CDC45: variants seen among roughly 807,000 people sequenced by gnomAD.
The protein encoded by CDC45 is cell division cycle 45.
Under a neutral mutation model 77.8 loss-of-function variants are expected in CDC45, and 54 were observed. The observed-to-expected ratio is 0.69, with a 90% CI of 0.56 to 0.87. The LOEUF is 0.87. Ranked by LOEUF, CDC45 falls within the 40% of genes least tolerant of loss-of-function variation. The pLI is 0.00. For missense variants in CDC45, 649 were observed against 721.6 expected, an observed-to-expected ratio of 0.90 and a Z score of 1.15; for synonymous variants, 260 against 272.1, an observed-to-expected ratio of 0.96 and a Z score of 0.44.
At chr22:19,489,523 G>A (rs1012657579) in intron 5 of CDC45, among the ~76,000 whole-genome samples, 3 of 151,894 alleles carry the variant, frequency 2.0e-5, no homozygotes, top group East Asian at 3.9e-4. Flanking sequence ...GCTTTTTTTC[G>A]CTCTGCATAA....
intron 18 of CDC45, 62 bp downstream of exon 18, chr22:19,518,971 C>G: frequency 8.1e-7 from 1 of 1,231,494 alleles, no homozygotes; most frequent in Non-Finnish European, 1.2e-6. Flanking sequence ...GACCCTGATG[C>G]CCTGCTCTGT....
chr22:19,482,881 T>A, intron 4 of CDC45, 54 bp downstream of exon 4: 1 of 1,539,178 alleles, frequency 6.5e-7, no homozygotes, highest in Admixed American at 1.7e-5. Context: ...CCATGTACAA[T>A]GTCTCACCTG....
At chr22:19,494,806 G>A (rs2090213827) in intron 6 of CDC45, among the ~76,000 whole-genome samples, 1 of 152,212 alleles carries the variant, frequency 6.6e-6, no homozygotes, top group Admixed American at 6.5e-5. Flanking sequence ...TCTCATGGAA[G>A]GTCTCCCAGG....
intron 9 of CDC45, among the ~76,000 whole-genome samples, chr22:19,501,956 A>G (rs942200769): frequency 6.6e-5 from 10 of 152,090 alleles, no homozygotes; most frequent in African/African-American, 1.4e-4. Flanking sequence ...GGCTCAAGCA[A>G]TCCTCCCTCC....
Position 19,479,989 on chromosome 22 carries a change from CAA to C in CDC45, c.23_24del (p.Lys8ArgfsTer35), listed in dbSNP as rs1413201950. 7 of 1,613,838 alleles carry C rather than the reference CAA, an allele frequency of 4.3e-6. No individual in the cohort carries two copies. Among genetic ancestry groups the C allele is most frequent in the East Asian group, 2.2e-5 (1 of 44,870 alleles). MFVSDFR[K>X]EFYEVVQSQR... is the part of the protein sequence containing the mutation. Reference sequence around the variant, plus strand: ...TGGCTATGTTCGTGTCCGATTTCCGCAAAGAGTTCTACGAGGTGGTCCAGAGC... The same window carrying C: ...TGGCTATGTTCGTGTCCGATTTCCGCAGAGTTCTACGAGGTGGTCCAGAGC... On this transcript the variant is annotated frameshift_variant, in exon 1 of 19. Coordinates refer to ENST00000263201, the MANE Select transcript of CDC45 (RefSeq NM_003504.5). LOFTEE classifies it high-confidence loss of function.
At chr22:19,511,220 T>C (rs952961131) in intron 13 of CDC45, among the ~76,000 whole-genome samples, 3 of 152,232 alleles carry the variant, frequency 2.0e-5, no homozygotes, top group African/African-American at 7.2e-5. Flanking sequence ...TATCTCGTTA[T>C]GGTTTTGATT....
intron 9 of CDC45, among the ~76,000 whole-genome samples, chr22:19,500,958 C>A (rs1054574118): frequency 6.6e-6 from 1 of 152,128 alleles, no homozygotes; most frequent in African/African-American, 2.4e-5. Context: ...GAGTGGATCA[C>A]CTGAGGTCAG....
intron 7 of CDC45, 46 bp downstream of exon 7, chr22:19,496,075 G>A: frequency 3.1e-6 from 4 of 1,275,424 alleles, no homozygotes; most frequent in Non-Finnish European, 4.5e-6. Context: ...TGACTCCAGG[G>A]GTCAGTGTCC....
At position 19,508,597 on chromosome 22, in the gene CDC45, G is replaced by A. The variant is rs1933341202; in HGVS notation, c.1123G>A (p.Asp375Asn). Reference sequence around the variant, plus strand: ...GTTCAAGCACAAGTTTCTGGCCAGCGACGTGGTCTTTGCCACCATGTCTTT... The same window carrying A: ...GTTCAAGCACAAGTTTCTGGCCAGCAACGTGGTCTTTGCCACCATGTCTTT... ...FGFKHKFLAS[D>N]VVFATMSLME... Residue 375 changes from aspartate (D) to asparagine (N), a missense_variant, in exon 13 of 19, where the codon GAC becomes AAC. Transcript: ENST00000263201. The A allele has an allele frequency of 2.5e-6, 4 of 1,614,224 alleles. No homozygotes were observed. The highest frequency in any genetic ancestry group is 3.4e-6 in the Non-Finnish European group (4 of 1,180,030).
Position 19,481,028 on chromosome 22 carries a change from C to T in CDC45, c.187C>T (p.Leu63Phe), listed in dbSNP as rs375060605. 2.5e-6 allele frequency: 4 copies of T among 1,612,288 alleles called. No homozygotes were observed. In the African/African-American group the frequency reaches 4.0e-5, roughly 16 times the overall value. The change falls in exon 3 of 19, where the codon CTT (leucine) becomes TTT (phenylalanine). Residue 63 changes from leucine (L) to phenylalanine (F), a missense_variant. Coordinates refer to ENST00000263201, the MANE Select transcript of CDC45 (RefSeq NM_003504.5). ...SGWQELETAF[L>F]EHKEQFHYFI... ...GTGGCAAGAACTTGAAACTGCATTTCTTGAGCATAAAGAACAGGTATTGAA... is the reference window on the plus strand; with the variant it reads ...GTGGCAAGAACTTGAAACTGCATTTTTTGAGCATAAAGAACAGGTATTGAA...
At chr22:19,479,734 C>T, upstream of CDC45, 5 of 660,660 alleles carry the variant, frequency 7.6e-6, no homozygotes, top group Non-Finnish European at 1.1e-5. Flanking sequence ...TTGCGTTCGG[C>T]CTCAGAGGTG....
intron 9 of CDC45, 78 bp from the exon 10 acceptor site, chr22:19,505,283 CG>C (rs1339461227): frequency 6.4e-7 from 1 of 1,574,064 alleles, no homozygotes; most frequent in East Asian, 2.2e-5. Context: ...AGGCCTTGAG[CG>C]GGAATGGAGC....
At chr22:19,515,723 T>C (rs1284450445) in intron 15 of CDC45, among the ~76,000 whole-genome samples, 1 of 152,234 alleles carries the variant, frequency 6.6e-6, no homozygotes, top group East Asian at 1.9e-4. Context: ...GCATGGGCCT[T>C]GACGTCCTCT....
intron 2 of CDC45, 100 bp downstream of exon 2, chr22:19,480,317 C>T: frequency 9.1e-7 from 1 of 1,100,726 alleles, no homozygotes; most frequent in Non-Finnish European, 1.4e-6. Flanking sequence ...GTGCTGAGGG[C>T]TTAGGGTGGG....
chr22:19,482,944 G>A, intron 4 of CDC45, 117 bp downstream of exon 4: 2 of 814,226 alleles, frequency 2.5e-6, no homozygotes, highest in South Asian at 1.9e-5. Flanking sequence ...GGAACAGCCT[G>A]AACACAAGAA....
chr22:19,507,865 G>A lies in CDC45; in HGVS notation c.1055+1G>A. The A allele has an allele frequency of 1.3e-6, 2 of 1,586,684 alleles. No homozygotes were observed. The highest frequency in any genetic ancestry group is 1.7e-6 in the Non-Finnish European group (2 of 1,162,406). ...TTGAAGAGTCTGCAAATAAATTTGG[G>A]TAAACACACATTTTTCTGGATTTAT... On this transcript the variant is annotated splice_donor_variant, in intron 12 of 18. Transcript: ENST00000263201. LOFTEE classifies it high-confidence loss of function.
chr22:19,505,407 C>A lies in CDC45; in HGVS notation c.750C>A (p.Ser250=). ...TDVGVLQRHV[S]RHNHRNEDEE... Reference sequence around the variant, plus strand: ...TTGGTGTCCTGCAGCGCCACGTTTCCCGCCACAACCACCGGAACGAGGATG... The same window carrying A: ...TTGGTGTCCTGCAGCGCCACGTTTCACGCCACAACCACCGGAACGAGGATG... The change falls in exon 10 of 19, where the codon TCC becomes TCA. Residue 250 remains serine, a synonymous_variant. Coordinates refer to ENST00000263201, the MANE Select transcript of CDC45 (RefSeq NM_003504.5). The A allele has an allele frequency of 6.2e-7, 1 of 1,614,126 alleles. No individual in the cohort carries two copies. Among genetic ancestry groups the A allele is most frequent in the Non-Finnish European group, 8.5e-7 (1 of 1,179,984 alleles).
At chr22:19,484,833 C>CT (rs889874375) in intron 5 of CDC45, among the ~76,000 whole-genome samples, 63 of 152,326 alleles carry the variant, frequency 4.1e-4, no homozygotes, top group African/African-American at 1.5e-3. Flanking sequence ...ACCCCTTTCA[C>CT]TAGGTTTGGG....
At chr22:19,484,832 A>G (rs1260487845) in intron 5 of CDC45, among the ~76,000 whole-genome samples, 1 of 151,758 alleles carries the variant, frequency 6.6e-6, no homozygotes, top group Non-Finnish European at 1.5e-5. Context: ...CACCCCTTTC[A>G]CTAGGTTTGG....
Sources: gnomAD v4.1 joint callset for allele counts (sites outside exome capture counted in the v4.1 genomes callset) on GRCh38, gnomAD v4.1.1 for gene constraint, MANE v1.5 for transcripts, NCBI Gene and HGNC (gene_info 2026-07-23, HGNC 2026-07-21) for gene names.